Variants in DCP1A observed in about 807,000 individuals in gnomAD.
The protein encoded by DCP1A is decapping mRNA 1A.
DCP1A carries 20 observed loss-of-function variants against 58.0 expected under a neutral mutation model. That is an observed-to-expected ratio of 0.34 (90% CI 0.24 to 0.50). DCP1A has a LOEUF of 0.50. DCP1A is among the 20% of genes least tolerant of loss of function. The pLI, the probability that DCP1A is intolerant of heterozygous loss-of-function variation, is 0.98. For synonymous variants in DCP1A, 285 were observed against 275.1 expected (o/e 1.04, Z -0.36); for missense variants, 613 against 712.2 (o/e 0.86, Z 1.59).
At chr3:53,334,863 T>A (rs1033999864) in intron 3 of DCP1A, among the ~76,000 whole-genome samples, 65 of 152,112 alleles carry the variant, frequency 4.3e-4, no homozygotes, top group Non-Finnish European at 2.1e-4. Context: ...TGCTGTTGTT[T>A]TTGTTGAAAA....
rs147147269 is a variant in DCP1A at position 53,315,726 on chromosome 3, G to A, written c.372-3347C>T. ...TTTCTCGTTTTTATAAACATTGTTTGGAGTAAATCAGTTTGTTGTTTTTTT... is the reference window on the plus strand; with the variant it reads ...TTTCTCGTTTTTATAAACATTGTTTAGAGTAAATCAGTTTGTTGTTTTTTT... On this transcript the variant is annotated intron_variant, in intron 4 of 9. Coordinates refer to ENST00000610213, the MANE Select transcript of DCP1A (RefSeq NM_018403.7). Among the ~76,000 whole-genome samples, 1,084 of 147,424 alleles carry A rather than the reference G, an allele frequency of 7.4e-3. 13 individuals are homozygous for A. Among genetic ancestry groups the A allele is most frequent in the African/African-American group, 0.025 (1,020 of 40,200 alleles).
At chr3:53,291,365 A>C (rs536476424) in intron 7 of DCP1A, among the ~76,000 whole-genome samples, 16 of 152,144 alleles carry the variant, frequency 1.1e-4, no homozygotes, top group African/African-American at 3.9e-4. Context: ...TTTAAAATAT[A>C]TACTTAAATT....
intron 1 of DCP1A, among the ~76,000 whole-genome samples, chr3:53,345,459 T>C (rs1465719574): frequency 6.6e-6 from 1 of 152,168 alleles, no homozygotes; most frequent in Non-Finnish European, 1.5e-5. Context: ...AATCAGCTTG[T>C]TATTTTTAGA....
At chr3:53,341,655 T>C (rs1353338680) in intron 3 of DCP1A, among the ~76,000 whole-genome samples, 2 of 152,138 alleles carry the variant, frequency 1.3e-5, no homozygotes, top group South Asian at 2.1e-4. Flanking sequence ...TTAAATGAAA[T>C]AGTAAACTAA....
At chr3:53,337,976 A>C (rs898836936) in intron 3 of DCP1A, 3 of 252,534 alleles carry the variant, frequency 1.2e-5, no homozygotes, top group African/African-American at 4.4e-5. Context: ...AGTGGATAGC[A>C]CTACTCTAGA....
chr3:53,312,710 G>C (rs1353614747), intron 4 of DCP1A, among the ~76,000 whole-genome samples: 1 of 151,956 alleles, frequency 6.6e-6, no homozygotes, highest in Admixed American at 6.6e-5. Context: ...TAGCCAGGAT[G>C]GTCTCAATCT....
Position 53,306,029 on chromosome 3 carries a change from T to G in DCP1A, c.511-1739A>C, listed in dbSNP as rs1001029933. Among the ~76,000 whole-genome samples, 8 of 152,304 alleles carry G rather than the reference T, an allele frequency of 5.3e-5. 1 individual carries two copies. In the South Asian group the frequency reaches 1.2e-3, roughly 24 times the overall value. ...ATGCCAAAACCGACACCAAAAACAG[T>G]TCAGAAAATGCAAGATATGAGATTT... On this transcript the variant is annotated intron_variant, in intron 5 of 9. Transcript: ENST00000610213.
intron 4 of DCP1A, 76 bp downstream of exon 4, chr3:53,319,331 A>G (rs1707896352): frequency 2.1e-6 from 2 of 974,166 alleles, no homozygotes; most frequent in African/African-American, 3.3e-5. Flanking sequence ...AGACTTTAGT[A>G]ACAAAGAGAA....
intron 7 of DCP1A, among the ~76,000 whole-genome samples, chr3:53,291,743 GCA>G (rs1388767143): frequency 6.6e-6 from 1 of 152,112 alleles, no homozygotes; most frequent in African/African-American, 2.4e-5. Flanking sequence ...CACAAGGTAG[GCA>G]CTCTAGGAGA....
At chr3:53,294,101 G>A (rs781827595) in intron 6 of DCP1A, among the ~76,000 whole-genome samples, 9 of 152,236 alleles carry the variant, frequency 5.9e-5, no homozygotes, top group Non-Finnish European at 1.2e-4. Flanking sequence ...GGGTGACAGG[G>A]AAAGAGAGAA....
chr3:53,339,259 A>G lies in DCP1A; in HGVS notation c.304+2885T>C, dbSNP rs995936024. On this transcript the variant is annotated intron_variant, in intron 3 of 9. Coordinates refer to ENST00000610213, the MANE Select transcript of DCP1A (RefSeq NM_018403.7). ...TCTGTTGTCTTATCACTTCTCCCCA[A>G]TACAGCTATTCCTTTAAATACTTTC... 1.6e-4 allele frequency among the ~76,000 whole-genome samples: 24 copies of G among 152,202 alleles called. 1 individual carries two copies. The highest frequency in any genetic ancestry group is 5.8e-4 in the African/African-American group (24 of 41,438).
In DCP1A at chr3:53,344,882, T is replaced by C. The variant is rs377740484; in HGVS notation, c.176+20A>G. On this transcript the variant is annotated intron_variant, in intron 2 of 9. Coordinates refer to ENST00000610213, the MANE Select transcript of DCP1A (RefSeq NM_018403.7). ...ACCACTAGACTGTTAAAAACAAATA[T>C]ACATATTTTAAAAACTTACCTTCGA... 3.2e-6 allele frequency: 5 copies of C among 1,551,252 alleles called. No individual in the cohort carries two copies. The highest frequency in any genetic ancestry group is 2.3e-5 in the South Asian group (2 of 88,652).
At chr3:53,344,677 G>C (rs1163049526) in intron 2 of DCP1A, among the ~76,000 whole-genome samples, 1 of 152,164 alleles carries the variant, frequency 6.6e-6, no homozygotes. Flanking sequence ...TTTTGAAATT[G>C]CTTTGCTAGG....
At chr3:53,312,138 C>T in intron 5 of DCP1A, 103 bp downstream of exon 5, 4 of 1,294,148 alleles carry the variant, frequency 3.1e-6, no homozygotes, top group Non-Finnish European at 4.2e-6. Context: ...TATATTTCTG[C>T]CGTCCCTGGA....
At chr3:53,328,484 T>A (rs1708172471) in intron 3 of DCP1A, among the ~76,000 whole-genome samples, 1 of 152,112 alleles carries the variant, frequency 6.6e-6, no homozygotes, top group Non-Finnish European at 1.5e-5. Context: ...CAGGCATGGT[T>A]AACTTTACAA....
At chr3:53,296,530 A>T (rs1298619784) in intron 6 of DCP1A, among the ~76,000 whole-genome samples, 1 of 152,242 alleles carries the variant, frequency 6.6e-6, no homozygotes, top group Non-Finnish European at 1.5e-5. Context: ...AATTCATGGC[A>T]TCATAAATGT....
In DCP1A at chr3:53,288,166, A is replaced by G. The variant is rs1269348243; in HGVS notation, c.1567T>C (p.Ser523Pro). 25 of 1,613,886 alleles carry G rather than the reference A, an allele frequency of 1.5e-5. No homozygotes were observed. The highest frequency in any genetic ancestry group is 2.0e-5 in the Non-Finnish European group (24 of 1,179,900). ...GTTCCAATAGTTAGAGGAGAAGGGG[A>G]GCTGGCTTTCCTCTCAAGGTCCGAA... The part of the protein sequence containing the change: ...RSSDLERKAS[S>P]PSPLTIGTPE... The change falls in exon 9 of 10, where the codon TCC (serine) becomes CCC (proline). Residue 523 changes from serine (S) to proline (P), a missense_variant. Physicochemically the swap from Ser to Pro is moderately conservative, Grantham distance 74. This residue lies in a region of DCP1A where 498 missense variants were observed against 556.7 expected (regional missense o/e 0.89). Coordinates refer to ENST00000610213, the MANE Select transcript of DCP1A (RefSeq NM_018403.7).
chr3:53,337,776 C>T (rs1180482242), intron 3 of DCP1A, among the ~76,000 whole-genome samples: 1 of 152,236 alleles, frequency 6.6e-6, no homozygotes, highest in African/African-American at 2.4e-5. Flanking sequence ...AGCATGTTAG[C>T]ACATGAGCTC....
chr3:53,288,388 A>G, intron 8 of DCP1A, 105 bp from the exon 9 acceptor site: 1 of 777,400 alleles, frequency 1.3e-6, no homozygotes, highest in Non-Finnish European at 2.1e-6. Flanking sequence ...AGAGTGGAGC[A>G]CAGAGACAGA....
Sources: allele counts gnomAD v4.1 joint callset (sites outside exome capture counted in the v4.1 genomes callset), GRCh38; gene constraint gnomAD v4.1.1; regional missense constraint gnomAD v4.1.1; transcripts MANE v1.5; gene names NCBI Gene and HGNC (gene_info 2026-07-23, HGNC 2026-07-21).